Variants in ARMCX4 observed in about 807,000 individuals in gnomAD.
The protein encoded by ARMCX4 is armadillo repeat containing X-linked 4.
Under a neutral mutation model 34.7 loss-of-function variants are expected in ARMCX4, and 3 were observed. That is an observed-to-expected ratio of 0.09 (90% CI 0.04 to 0.22). The LOEUF (loss-of-function observed/expected upper bound fraction) is 0.22. Among genes scored for constraint, ARMCX4 ranks in the 10% least tolerant of loss-of-function variants. The pLI is 1.00. For missense variants in ARMCX4, 1,448 were observed against 1,720.8 expected (o/e 0.84, Z 2.81); for synonymous variants, 513 against 632.8 (o/e 0.81, Z 2.84).
At chrX:101,507,276 C>T (rs1203822364) in intron 8 of ARMCX4, among the ~76,000 whole-genome samples, 1 of 111,709 alleles carries the variant, frequency 9.0e-6, no homozygotes, top group Non-Finnish European at 1.9e-5. Flanking sequence ...GTAATAGCTA[C>T]ATGATCTTGA....
At chrX:101,478,300 T>C (rs1217293117) in intron 4 of ARMCX4, among the ~76,000 whole-genome samples, 1 of 112,257 alleles carries the variant, frequency 8.9e-6, no homozygotes, top group Non-Finnish European at 1.9e-5. Context: ...GGTGGCCTGA[T>C]ACAAGGTCAA....
At chrX:101,465,534 A>G (rs1381674908) in intron 4 of ARMCX4, among the ~76,000 whole-genome samples, 1 of 112,338 alleles carries the variant, frequency 8.9e-6, no homozygotes, top group Admixed American at 9.5e-5. Flanking sequence ...TTAATAATAT[A>G]ACAACATTAT....
upstream of ARMCX4, among the ~76,000 whole-genome samples, chrX:101,484,070 A>G (rs1556005952): frequency 8.9e-6 from 1 of 111,857 alleles, no homozygotes; most frequent in Non-Finnish European, 1.9e-5. Context: ...GTTGTAACAC[A>G]AGGCAGGACA....
chrX:101,525,625 G>C (rs1314801082), intron 11 of ARMCX4, among the ~76,000 whole-genome samples: 1 of 111,050 alleles, frequency 9.0e-6, no homozygotes, highest in Non-Finnish European at 1.9e-5. Context: ...GAAGATCTTA[G>C]GTGACCTAAT....
At chrX:101,420,816 A>G (rs1439921814) in intron 2 of ARMCX4, among the ~76,000 whole-genome samples, 2 of 112,521 alleles carry the variant, frequency 1.8e-5, no homozygotes, top group Non-Finnish European at 3.8e-5. Flanking sequence ...AGGGCCTTAC[A>G]AGCCATCTTA....
chrX:101,469,301 G>C (rs782767522), intron 4 of ARMCX4, among the ~76,000 whole-genome samples: 1 of 112,179 alleles, frequency 8.9e-6, no homozygotes, highest in South Asian at 3.7e-4. Context: ...ATGTCCATCA[G>C]TAGAGGAATG....
intron 4 of ARMCX4, among the ~76,000 whole-genome samples, chrX:101,454,038 G>A (rs1193458445): frequency 9.0e-6 from 1 of 110,757 alleles, no homozygotes. Context: ...ATTTCAGCCT[G>A]GAGGGGAAGA....
In ARMCX4 at chrX:101,491,611, G is replaced by T; in HGVS notation, c.3022G>T (p.Val1008Phe). 4 of 1,156,667 alleles carry T rather than the reference G, an allele frequency of 3.5e-6. No homozygotes were observed. The highest frequency in any genetic ancestry group is 4.6e-6 in the Non-Finnish European group (4 of 873,069). The change falls in exon 6 of 6, where the codon GTC becomes TTC. Residue 1008 changes from valine (V) to phenylalanine (F), a missense_variant. Physicochemically the swap from Val to Phe is conservative, Grantham distance 50. Transcript: ENST00000423738. ...GACCTTGCTTGGTGCCAGGAATAAG[G>T]TCAAGGGCAATACCATTGCTGTGCC... ...SETLLGARNK[V>F]KGNTIAVPKA...
intron 11 of ARMCX4, among the ~76,000 whole-genome samples, chrX:101,517,499 T>C (rs782570287): frequency 7.1e-4 from 79 of 111,394 alleles, no homozygotes; most frequent in African/African-American, 2.5e-3. Flanking sequence ...CATGCCACTA[T>C]GCTGAGCTAA....
chrX:101,493,237 C>T lies in ARMCX4; in HGVS notation c.4648C>T (p.Pro1550Ser). Residue 1550 changes from proline (P) to serine (S), a missense_variant, in exon 6 of 6, where the codon CCT becomes TCT. Physicochemically the swap from Pro to Ser is moderately conservative, Grantham distance 74 (BLOSUM62 -1). Transcript: ENST00000423738. Reference protein sequence around the residue: ...NQSSAGSWDSPGSQVSGSCWT... With the variant: ...NQSSAGSWDSSGSQVSGSCWT... ...GTCCAGTGCTGGGTCCTGGGATAGC[C>T]CTGGGAGTCAGGTCAGTGGAAGCTG... is the stretch of plus-strand genomic sequence containing the variant. 1 of 1,151,610 alleles carries T rather than the reference C, an allele frequency of 8.7e-7. No homozygotes were observed. The highest frequency in any genetic ancestry group is 2.6e-5 in the Admixed American group (1 of 38,381). 94.9% of individuals were successfully genotyped at this position (1,151,610 alleles called of 1,213,427 possible). A position where few individuals can be genotyped will look rare whatever the true frequency, so the allele number is the denominator to read the frequency against.
chrX:101,509,008 T>C (rs185721290), intron 8 of ARMCX4, among the ~76,000 whole-genome samples: 328 of 112,031 alleles, frequency 2.9e-3, no homozygotes, highest in African/African-American at 9.1e-3. Context: ...TTTCCTGTCC[T>C]GCACAACTTT....
chrX:101,513,584 CACAA>C (rs1934643034), intron 11 of ARMCX4, among the ~76,000 whole-genome samples: 1 of 111,993 alleles, frequency 8.9e-6, no homozygotes, highest in Non-Finnish European at 1.9e-5. Flanking sequence ...GCTATATACA[CACAA>C]ACAAACATAA....
chrX:101,513,318 C>T (rs2147704439), intron 11 of ARMCX4, among the ~76,000 whole-genome samples: 1 of 111,627 alleles, frequency 9.0e-6, no homozygotes, highest in South Asian at 3.8e-4. Context: ...CACCCATACA[C>T]ATCTCCTTAA....
chrX:101,458,747 A>G (rs1458955107), intron 4 of ARMCX4, among the ~76,000 whole-genome samples: 3 of 111,580 alleles, frequency 2.7e-5, no homozygotes, highest in African/African-American at 9.8e-5. Flanking sequence ...TTGGCCTCCC[A>G]AAGTGCTGGG....
chrX:101,435,722 C>T (rs2147543927), intron 2 of ARMCX4, among the ~76,000 whole-genome samples: 1 of 109,566 alleles, frequency 9.1e-6, no homozygotes, highest in Non-Finnish European at 1.9e-5. Context: ...CTTGCCCATG[C>T]CTATGTCCTG....
upstream of ARMCX4, chrX:101,485,209 C>G (rs1490715982): frequency 9.6e-6 from 1 of 104,373 alleles, no homozygotes; most frequent in Non-Finnish European, 2.0e-5. Flanking sequence ...GATGATGCCA[C>G]TTGTGGGCCC....
chrX:101,446,115 A>G (rs1017176850), exon 4 of ARMCX4: 14 of 111,665 alleles, frequency 1.3e-4, no homozygotes, highest in African/African-American at 4.6e-4. Flanking sequence ...AGTATTTCTC[A>G]ATTGATATTT....
intron 2 of ARMCX4, among the ~76,000 whole-genome samples, chrX:101,429,054 C>T (rs1309750714): frequency 9.2e-6 from 1 of 108,353 alleles, no homozygotes; most frequent in Non-Finnish European, 1.9e-5. Context: ...GAGATGGGGT[C>T]TCCCTATGTT....
At chrX:101,422,987 G>A (rs2147507883) in intron 2 of ARMCX4, among the ~76,000 whole-genome samples, 1 of 110,787 alleles carries the variant, frequency 9.0e-6, no homozygotes, top group South Asian at 3.9e-4. Context: ...TTGGCTCAGT[G>A]CAACCTCTAC....
Sources: allele counts gnomAD v4.1 joint callset (sites outside exome capture counted in the v4.1 genomes callset), GRCh38; gene constraint gnomAD v4.1.1; transcripts MANE v1.5; gene names NCBI Gene and HGNC (gene_info 2026-07-23, HGNC 2026-07-21).